The following CADPS variants were observed in gnomAD, a reference collection of about 807,000 sequenced individuals.
CADPS encodes the protein calcium dependent secretion activator.
A neutral mutation model predicts 167.3 loss-of-function variants in CADPS; 57 were observed. The observed-to-expected ratio is 0.34, with a 90% CI of 0.28 to 0.42. The LOEUF (loss-of-function observed/expected upper bound fraction) is 0.42. Ranked by LOEUF, CADPS falls within the 20% of genes least tolerant of loss-of-function variation. The pLI is 1.00. For synonymous variants in CADPS, 676 were observed against 635.3 expected (o/e 1.06, Z -0.96); for missense variants, 1,414 against 1,738.1 (o/e 0.81, Z 3.32).
In CADPS at chr3:62,478,123, C is replaced by T. The variant is rs1389471444; in HGVS notation, c.3329+138G>A. Reference sequence around the variant, plus strand: ...AAGTTAGACGTTGACAGCCACTACTCCAGCTGACTTTGACAAGCAATCCCC... The same window carrying T: ...AAGTTAGACGTTGACAGCCACTACTTCAGCTGACTTTGACAAGCAATCCCC... On this transcript the variant is annotated intron_variant, in intron 23 of 29. Transcript: ENST00000383710. The surrounding 1 kb of genome is among the most constrained non-coding windows in gnomAD (Gnocchi z 5.7). 1 of 924,632 alleles carries T rather than the reference C, an allele frequency of 1.1e-6. No homozygotes were observed. Among genetic ancestry groups the T allele is most frequent in the East Asian group, 2.5e-5 (1 of 40,446 alleles). 57.3% of individuals were successfully genotyped at this position (924,632 alleles called of 1,614,324 possible).
chr3:62,857,289 G>T lies in CADPS; in HGVS notation c.441+17300C>A, dbSNP rs4364159. On this transcript the variant is annotated intron_variant, in intron 1 of 29. Coordinates refer to ENST00000383710, the MANE Select transcript of CADPS (RefSeq NM_003716.4). Reference sequence around the variant, plus strand: ...AAAATAATGTCTAGTTTTAACATGGGAAATGAGACTCACTCATGCTCCACT... The same window carrying T: ...AAAATAATGTCTAGTTTTAACATGGTAAATGAGACTCACTCATGCTCCACT... 3.9e-3 allele frequency among the ~76,000 whole-genome samples: 591 copies of T among 152,130 alleles called. 3 individuals carry two copies. The highest frequency in any genetic ancestry group is 0.014 in the African/African-American group (568 of 41,564).
chr3:62,567,416 A>G (rs1366467770), intron 9 of CADPS, among the ~76,000 whole-genome samples: 1 of 151,960 alleles, frequency 6.6e-6, no homozygotes, highest in East Asian at 1.9e-4. Flanking sequence ...GAAAGACACA[A>G]AAAAGAATCA....
intron 5 of CADPS, among the ~76,000 whole-genome samples, chr3:62,646,939 T>C (rs2068726788): frequency 6.6e-6 from 1 of 152,156 alleles, no homozygotes; most frequent in South Asian, 2.1e-4. Context: ...AAAAAGCCGG[T>C]GTCATGATGG....
chr3:62,663,877 T>C (rs2073899679), intron 3 of CADPS, among the ~76,000 whole-genome samples: 1 of 152,328 alleles, frequency 6.6e-6, no homozygotes, highest in Non-Finnish European at 1.5e-5. Context: ...GACTTTTCCT[T>C]AGATCATGAA....
At chr3:62,845,823 A>G (rs1463189580) in intron 1 of CADPS, among the ~76,000 whole-genome samples, 1 of 152,108 alleles carries the variant, frequency 6.6e-6, no homozygotes, top group Non-Finnish European at 1.5e-5. Flanking sequence ...GACATGTGGC[A>G]TGCTTCTCTC....
intron 6 of CADPS, among the ~76,000 whole-genome samples, chr3:62,612,720 G>A (rs1475961862): frequency 6.6e-6 from 1 of 152,172 alleles, no homozygotes; most frequent in African/African-American, 2.4e-5. Flanking sequence ...GAGACAAGAG[G>A]GAATTGATTG....
At chr3:62,560,945 G>C (rs190351439) in intron 9 of CADPS, among the ~76,000 whole-genome samples, 4 of 151,968 alleles carry the variant, frequency 2.6e-5, no homozygotes, top group Non-Finnish European at 5.9e-5. Context: ...TGGACGTGGC[G>C]GCAGACTCCT....
chr3:62,871,718 G>T (rs577958910), intron 1 of CADPS, among the ~76,000 whole-genome samples: 69 of 152,038 alleles, frequency 4.5e-4, no homozygotes, highest in African/African-American at 1.7e-3. Flanking sequence ...AAATAACTTT[G>T]GCTAAAAACT....
chr3:62,790,657 C>T (rs548049227), intron 1 of CADPS, among the ~76,000 whole-genome samples: 1 of 152,204 alleles, frequency 6.6e-6, no homozygotes, highest in East Asian at 1.9e-4. Flanking sequence ...CTTCCTTTAC[C>T]CATCTATAAA....
Position 62,645,721 on chromosome 3 carries a change from C to T in CADPS, c.1325+1G>A, listed in dbSNP as rs749964509. 6 of 1,613,734 alleles carry T rather than the reference C, an allele frequency of 3.7e-6. No homozygotes were observed. Among genetic ancestry groups the T allele is most frequent in the Non-Finnish European group, 5.1e-6 (6 of 1,179,880 alleles). The stretch of plus-strand genomic sequence containing the variant: ...ATGGACCCTGGAGAAACATAACTTA[C>T]GTTGGTTTAGAAGCCTCGGCCTGAT... On this transcript the variant is annotated splice_donor_variant, in intron 6 of 29. Transcript: ENST00000383710. LOFTEE classifies it high-confidence loss of function.
At chr3:62,580,084 G>C (rs180933820) in intron 8 of CADPS, among the ~76,000 whole-genome samples, 68 of 152,318 alleles carry the variant, frequency 4.5e-4, no homozygotes, top group African/African-American at 1.5e-3. Flanking sequence ...CTGAGGCTAA[G>C]AGTTCGAGAC....
rs1235154311 is a variant in CADPS, at chr3:62,446,274, G to T, written c.3637-477C>A. On this transcript the variant is annotated intron_variant, in intron 26 of 29. Coordinates refer to ENST00000383710, the MANE Select transcript of CADPS (RefSeq NM_003716.4). The surrounding 1 kb of genome is among the most constrained non-coding windows in gnomAD (Gnocchi z 4.9). The stretch of plus-strand genomic sequence containing the variant: ...GAAGATGGACATCCTCAACCCAGAG[G>T]GAGATGGTGTCTGCGGGTAGGGGGA... 6.6e-6 allele frequency among the ~76,000 whole-genome samples: 1 copy of T among 152,150 alleles called. No individual in the cohort carries two copies. Among genetic ancestry groups the T allele is most frequent in the Non-Finnish European group, 1.5e-5 (1 of 68,026 alleles).
intron 3 of CADPS, among the ~76,000 whole-genome samples, chr3:62,673,242 T>C (rs1257173299): frequency 6.6e-6 from 1 of 152,178 alleles, no homozygotes; most frequent in Non-Finnish European, 1.5e-5. Flanking sequence ...GGCAGGGATG[T>C]TTTGAGGAGT....
chr3:62,518,459 C>T (rs1357293357), intron 13 of CADPS, among the ~76,000 whole-genome samples: 1 of 152,198 alleles, frequency 6.6e-6, no homozygotes, highest in African/African-American at 2.4e-5. Context: ...AGAGCTGTAG[C>T]TCTTTTCTTG....
At chr3:62,660,642 C>G (rs1020745771) in intron 4 of CADPS, among the ~76,000 whole-genome samples, 5 of 152,154 alleles carry the variant, frequency 3.3e-5, no homozygotes, top group Admixed American at 2.6e-4. Flanking sequence ...CACCTCTTTC[C>G]ATAAAGTGAA....
rs2076202907 is a variant in CADPS, at chr3:62,544,759, G to A, written c.1966+5144C>T. The A allele has an allele frequency of 1.8e-6, 1 of 567,530 alleles. No homozygotes were observed. The highest frequency in any genetic ancestry group is 2.4e-6 in the Non-Finnish European group (1 of 421,150). The allele number at this position is 567,530 out of a possible 1,614,324, so 35.2% of individuals were successfully genotyped here. ...TTGTACTACAAATTCTAGACATGAG[G>A]AAGATTTAAGGGGGAGGGAAGCACA... On this transcript the variant is annotated intron_variant, in intron 11 of 29. Coordinates refer to ENST00000383710, the MANE Select transcript of CADPS (RefSeq NM_003716.4). This position sits in a 1 kb window ranked among gnomAD's most constrained non-coding sequence, Gnocchi z 4.4.
intron 1 of CADPS, among the ~76,000 whole-genome samples, chr3:62,853,445 T>C (rs1374489717): frequency 6.7e-6 from 1 of 150,350 alleles, no homozygotes; most frequent in Non-Finnish European, 1.5e-5. Context: ...GCCAACATGG[T>C]GAAACCCCTC....
chr3:62,705,535 C>T (rs2082160772), intron 3 of CADPS, among the ~76,000 whole-genome samples: 2 of 152,112 alleles, frequency 1.3e-5, no homozygotes. Context: ...GGCAGACCCA[C>T]ATGCAATCTG....
At chr3:62,715,991 C>T (rs913035647) in intron 3 of CADPS, among the ~76,000 whole-genome samples, 5 of 151,932 alleles carry the variant, frequency 3.3e-5, no homozygotes, top group East Asian at 3.9e-4. Context: ...ATGATCCACC[C>T]GCCTCAGCCT....
Sources: allele counts gnomAD v4.1 joint callset (sites outside exome capture counted in the v4.1 genomes callset), GRCh38; gene constraint gnomAD v4.1.1; non-coding constraint Gnocchi (gnomAD v3.1); transcripts MANE v1.5; gene names NCBI Gene and HGNC (gene_info 2026-07-23, HGNC 2026-07-21).